Variants in SBNO2 observed in about 807,000 individuals in gnomAD.
SBNO2 encodes the protein strawberry notch homolog 2.
SBNO2 carries 89 observed loss-of-function variants against 146.3 expected under a neutral mutation model. The observed-to-expected ratio is 0.61, with a 90% confidence interval of 0.51 to 0.73. The LOEUF is 0.73. Ranked by LOEUF, SBNO2 falls within the 30% of genes least tolerant of loss-of-function variation. SBNO2 has a pLI of 0.00. For synonymous variants in SBNO2, 1,147 were observed against 892.6 expected (o/e 1.29, Z -5.08); for missense variants, 2,092 against 2,003.7 (o/e 1.04, Z -0.84).
Position 1,119,500 on chromosome 19 carries a change from T to C in SBNO2, c.1373+16A>G. On this transcript the variant is annotated intron_variant, in intron 13 of 31. Transcript: ENST00000361757. ...ACCCCCCGCCGCCCCTCCACGTGGG[T>C]GAGAAGGGCACTCACCTCTTCTCGA... 1 of 1,197,144 alleles carries C rather than the reference T, an allele frequency of 8.4e-7. No homozygotes were observed. 74.2% of individuals were successfully genotyped at this position (1,197,144 alleles called of 1,614,324 possible).
intron 4 of SBNO2, among the ~76,000 whole-genome samples, chr19:1,145,538 G>A (rs190075389): frequency 6.6e-6 from 1 of 152,078 alleles, no homozygotes; most frequent in East Asian, 1.9e-4. Context: ...AGGCAGAGAA[G>A]GGGTGAAAGA....
At chr19:1,127,185 G>A (rs1210859120) in intron 5 of SBNO2, among the ~76,000 whole-genome samples, 1 of 152,198 alleles carries the variant, frequency 6.6e-6, no homozygotes, top group Non-Finnish European at 1.5e-5. Context: ...CCCGCTGGGC[G>A]CTGCCTCTCC....
intron 1 of SBNO2, among the ~76,000 whole-genome samples, chr19:1,165,744 C>A: frequency 8.4e-6 from 1 of 118,974 alleles, no homozygotes; most frequent in South Asian, 2.9e-4. Context: ...CTCCAGACCC[C>A]AGATCTCAGA....
chr19:1,140,937 A>T lies in SBNO2; in HGVS notation c.279+6372T>A, dbSNP rs748459429. Among the ~76,000 whole-genome samples, 23 of 152,148 alleles carry T rather than the reference A, an allele frequency of 1.5e-4. No homozygotes were observed. The highest frequency in any genetic ancestry group is 2.8e-4 in the Non-Finnish European group (19 of 68,010). ...CACTGTACATGGTGCCGTCTGAGGG[A>T]TTCCTCCATCCAGTCAGGAGACAAC... On this transcript the variant is annotated intron_variant, in intron 4 of 31. Transcript: ENST00000361757. The surrounding 1 kb of genome is among the most constrained non-coding windows in gnomAD (Gnocchi z 4.4).
intron 5 of SBNO2, 47 bp downstream of exon 5, chr19:1,127,557 G>C (rs1436215354): frequency 2.5e-5 from 39 of 1,584,160 alleles, no homozygotes; most frequent in Non-Finnish European, 3.3e-5. Flanking sequence ...GGCTGGGGAG[G>C]CCACGCTGGT....
In SBNO2 at chr19:1,109,639, G is replaced by T. The variant is rs903849769; in HGVS notation, c.3124-41C>A. The T allele has an allele frequency of 6.4e-7, 1 of 1,570,650 alleles. No individual in the cohort carries two copies. Among genetic ancestry groups the T allele is most frequent in the Admixed American group, 1.8e-5 (1 of 56,304 alleles). Reference sequence around the variant, plus strand: ...GTGGGGGGGTGTGAGTGTGGTGGGGGCGGGGTGGGCAGAGTGTGAGGGGCT... The same window carrying T: ...GTGGGGGGGTGTGAGTGTGGTGGGGTCGGGGTGGGCAGAGTGTGAGGGGCT... On this transcript the variant is annotated intron_variant, in intron 27 of 31. Transcript: ENST00000361757. This position sits in a 1 kb window ranked among gnomAD's most constrained non-coding sequence, Gnocchi z 4.2.
intron 1 of SBNO2, among the ~76,000 whole-genome samples, chr19:1,166,247 C>CAGATCCCCAGATCCCAGACG (rs1555729317): frequency 1.6e-3 from 5 of 3,214 alleles, no homozygotes; most frequent in Admixed American, 9.5e-3. Flanking sequence ...GATCCCAGAC[C>CAGATCCCCAGATCCCAGACG]CCAGCCCAGA....
intron 4 of SBNO2, chr19:1,132,266 T>G: frequency 7.6e-7 from 1 of 1,315,286 alleles, no homozygotes; most frequent in Non-Finnish European, 9.7e-7. Context: ...CCGGCTGCAT[T>G]TGCATGTCGG....
Position 1,123,905 on chromosome 19 carries a change from G to A in SBNO2, c.522+37C>T, listed in dbSNP as rs368732481. ...AGCCCTCTCCTTAGGTCCCATGAGA[G>A]GGCAGGGGAGGGAGCTCTCGGCTGG... On this transcript the variant is annotated intron_variant, in intron 6 of 31. Coordinates refer to ENST00000361757, the MANE Select transcript of SBNO2 (RefSeq NM_014963.3). 191 of 1,586,124 alleles carry A rather than the reference G, an allele frequency of 1.2e-4. No individual in the cohort carries two copies. The African/African-American group carries it at 2.2e-3, about 18-fold the overall frequency.
intron 4 of SBNO2, among the ~76,000 whole-genome samples, chr19:1,143,519 T>A (rs991991082): frequency 1.3e-5 from 2 of 152,150 alleles, no homozygotes; most frequent in African/African-American, 4.8e-5. Context: ...ACACTTATCC[T>A]CTCACAGTCT....
intron 16 of SBNO2, 62 bp from the exon 17 acceptor site, chr19:1,116,165 C>G (rs2145205200): frequency 2.7e-6 from 4 of 1,504,870 alleles, no homozygotes; most frequent in South Asian, 2.5e-5. Context: ...GGGTTGCTCT[C>G]CAGGAGCTGG....
At chr19:1,120,607 G>A (rs1203786879) in intron 11 of SBNO2, among the ~76,000 whole-genome samples, 1 of 152,154 alleles carries the variant, frequency 6.6e-6, no homozygotes, top group South Asian at 2.1e-4. Context: ...CTGACCTCAA[G>A]TGACCTGCCT....
chr19:1,132,263 C>T (rs936304470), intron 4 of SBNO2: 276 of 1,315,434 alleles, frequency 2.1e-4, no homozygotes, highest in Non-Finnish European at 1.5e-4. Context: ...CGCCCGGCTG[C>T]ATTTGCATGT....
At position 1,158,814 on chromosome 19, in the gene SBNO2, G is replaced by A. The variant is rs970032590; in HGVS notation, c.-126-4412C>T. Among the ~76,000 whole-genome samples the A allele has an allele frequency of 5.3e-5, 8 of 152,134 alleles. No homozygotes were observed. The highest frequency in any genetic ancestry group is 1.7e-4 in the African/African-American group (7 of 41,398). ...TCCCGGGAACCCCGCACAGAGCCAC[G>A]GCCATAAGACAGAGCGGACTTGCGG... On this transcript the variant is annotated intron_variant, in intron 1 of 31. Transcript: ENST00000361757. The surrounding 1 kb of genome is among the most constrained non-coding windows in gnomAD (Gnocchi z 9.9).
rs769608640 is a variant in SBNO2, at chr19:1,122,221, A to T, written c.1067T>A (p.Ile356Asn). ...GVLFATYSALIGESQAGGQHR... is the reference protein window; with the variant it reads ...GVLFATYSALNGESQAGGQHR... ...CTGGCCGCCGGCCTGGCTCTCCCCA[A>T]TCAGGGCGGAGTAGGTGGCGAAGAG... The change falls in exon 11 of 32, where the codon ATT becomes AAT. Residue 356 changes from isoleucine (I) to asparagine (N), a missense_variant. Coordinates refer to ENST00000361757, the MANE Select transcript of SBNO2 (RefSeq NM_014963.3). The T allele has an allele frequency of 1.9e-6, 3 of 1,571,990 alleles. No homozygotes were observed. The highest frequency in any genetic ancestry group is 4.7e-5 in the East Asian group (2 of 42,296).
intron 16 of SBNO2, 124 bp from the exon 17 acceptor site, chr19:1,116,227 A>G (rs1442841700): frequency 2.5e-6 from 2 of 800,446 alleles, no homozygotes; most frequent in Non-Finnish European, 3.9e-6. Context: ...GCCTGGGCAG[A>G]GGGTCTCCTG....
In SBNO2 at chr19:1,124,003, G is replaced by A. The variant is rs1248049242; in HGVS notation, c.461C>T (p.Pro154Leu). Residue 154 changes from proline (P) to leucine (L), a missense_variant, in exon 6 of 32, where the codon CCG becomes CTG. Coordinates refer to ENST00000361757, the MANE Select transcript of SBNO2 (RefSeq NM_014963.3). The part of the protein sequence containing the change: ...THDKLFQLSR[P>L]FAGFEDFLPS... ...CAGAAAGTCCTCGAAGCCTGCAAACGGCCTGCTGAGCTGGAACAGCTGGAA... is the reference window on the plus strand; with the variant it reads ...CAGAAAGTCCTCGAAGCCTGCAAACAGCCTGCTGAGCTGGAACAGCTGGAA... The A allele has an allele frequency of 2.5e-6, 4 of 1,611,656 alleles. No homozygotes were observed. The highest frequency in any genetic ancestry group is 3.4e-6 in the Non-Finnish European group (4 of 1,179,238).
intron 1 of SBNO2, among the ~76,000 whole-genome samples, chr19:1,162,273 C>T (rs2080355237): frequency 1.9e-4 from 2 of 10,464 alleles, no homozygotes; most frequent in South Asian, 2.5e-3. Flanking sequence ...GCCTGGCTAA[C>T]ACGGTGAAAC....
chr19:1,142,242 C>A (rs377729712), intron 4 of SBNO2, among the ~76,000 whole-genome samples: 1 of 1,988 alleles, frequency 5.0e-4, no homozygotes, highest in African/African-American at 1.1e-3. Context: ...ACCTCCCTCA[C>A]GATCAACCCT....
Sources: allele counts gnomAD v4.1 joint callset (sites outside exome capture counted in the v4.1 genomes callset), GRCh38; gene constraint gnomAD v4.1.1; non-coding constraint Gnocchi (gnomAD v3.1); transcripts MANE v1.5; gene names NCBI Gene and HGNC (gene_info 2026-07-23, HGNC 2026-07-21).